Variants in ADAMTS12 observed in about 807,000 individuals in gnomAD.
ADAMTS12 encodes the protein ADAM metallopeptidase with thrombospondin type 1 motif 12.
In ADAMTS12, 118 loss-of-function variants were observed where a neutral mutation model predicts 167.8. The ratio of observed to expected loss-of-function variants is 0.70; its 90% confidence interval spans 0.61 to 0.82. ADAMTS12 has a LOEUF of 0.82. ADAMTS12 is among the 40% of genes least tolerant of loss of function. The pLI, the probability that ADAMTS12 is intolerant of heterozygous loss-of-function variation, is 0.00. For synonymous variants in ADAMTS12, 704 were observed against 716.9 expected (o/e 0.98, Z 0.29); for missense variants, 1,916 against 1,998.8 (o/e 0.96, Z 0.79).
intron 2 of ADAMTS12, among the ~76,000 whole-genome samples, chr5:33,857,537 A>G (rs566895424): frequency 6.6e-6 from 1 of 152,312 alleles, no homozygotes; most frequent in East Asian, 1.9e-4. Context: ...CAAGTTGTAC[A>G]TCTTAAATAT....
At chr5:33,649,797 C>T in intron 7 of ADAMTS12, 100 bp from the exon 8 acceptor site, 3 of 1,461,638 alleles carry the variant, frequency 2.1e-6, no homozygotes, top group Non-Finnish European at 2.8e-6. Context: ...CACAGACAGC[C>T]ACGTTTGTAC....
chr5:33,660,577 G>A (rs978516710), intron 6 of ADAMTS12, among the ~76,000 whole-genome samples: 1 of 152,158 alleles, frequency 6.6e-6, no homozygotes, highest in Non-Finnish European at 1.5e-5. Context: ...GACTTTCTGA[G>A]ACACAACTTA....
chr5:33,800,273 AG>A (rs1433285391), intron 2 of ADAMTS12, among the ~76,000 whole-genome samples: 3 of 152,226 alleles, frequency 2.0e-5, no homozygotes, highest in Non-Finnish European at 4.4e-5. Context: ...AAAAGGTTGG[AG>A]TAGTAAGGGA....
At chr5:33,705,442 G>T (rs1455654996) in intron 3 of ADAMTS12, among the ~76,000 whole-genome samples, 1 of 152,066 alleles carries the variant, frequency 6.6e-6, no homozygotes, top group East Asian at 1.9e-4. Context: ...TTCATCAGAT[G>T]AATAGTTTTC....
At chr5:33,682,913 A>T in intron 5 of ADAMTS12, 105 bp downstream of exon 5, 1 of 881,892 alleles carries the variant, frequency 1.1e-6, no homozygotes. Flanking sequence ...GGGCTTCCAA[A>T]CACTTTCTGG....
At chr5:33,581,423 T>C (rs990832059) in intron 18 of ADAMTS12, among the ~76,000 whole-genome samples, 8 of 152,100 alleles carry the variant, frequency 5.3e-5, no homozygotes, top group Non-Finnish European at 1.0e-4. Context: ...TGCTGCCCAA[T>C]TTATCAACTC....
In ADAMTS12 at chr5:33,891,948, A is replaced by G; in HGVS notation, c.-92T>C. ...CGCCTGTGGCCCAGCAGGAAGATGC[A>G]GGGGTGCATGGTCAGGCGCGAGAAG... On this transcript the variant is annotated 5_prime_UTR_variant, in exon 1 of 24. Transcript: ENST00000504830. 1 of 1,505,734 alleles carries G rather than the reference A, an allele frequency of 6.6e-7. No individual in the cohort carries two copies. Among genetic ancestry groups the G allele is most frequent in the Admixed American group, 2.1e-5 (1 of 46,904 alleles). The allele number at this position is 1,505,734 out of a possible 1,614,324, so 93.3% of individuals were successfully genotyped here. A position where few individuals can be genotyped will look rare whatever the true frequency, so the allele number is the denominator to read the frequency against.
chr5:33,692,485 G>A (rs1256070167), intron 3 of ADAMTS12, among the ~76,000 whole-genome samples: 1 of 152,100 alleles, frequency 6.6e-6, no homozygotes, highest in Non-Finnish European at 1.5e-5. Flanking sequence ...TGTCTGTTTT[G>A]CTCACTCCTT....
chr5:33,799,232 A>G (rs546145759), intron 2 of ADAMTS12, among the ~76,000 whole-genome samples: 2 of 152,218 alleles, frequency 1.3e-5, no homozygotes, highest in East Asian at 3.9e-4. Flanking sequence ...CAATGTTGCT[A>G]TATTGGTTGG....
chr5:33,751,153 G>T, intron 3 of ADAMTS12: 1 of 504,994 alleles, frequency 2.0e-6, no homozygotes, highest in Non-Finnish European at 3.4e-6. Flanking sequence ...TGGCAAAGAT[G>T]CTTTTATTTC....
chr5:33,659,152 T>C (rs1299031022), intron 6 of ADAMTS12, among the ~76,000 whole-genome samples: 1 of 152,206 alleles, frequency 6.6e-6, no homozygotes, highest in African/African-American at 2.4e-5. Context: ...GCAAATGGTC[T>C]GCTTTTTTCA....
intron 2 of ADAMTS12, among the ~76,000 whole-genome samples, chr5:33,814,693 A>G (rs2112492650): frequency 6.6e-6 from 1 of 152,336 alleles, no homozygotes; most frequent in South Asian, 2.1e-4. Flanking sequence ...AGGCTGGGAA[A>G]AAGAAAGAAC....
At chr5:33,661,149 A>G (rs1176012539) in intron 6 of ADAMTS12, among the ~76,000 whole-genome samples, 3 of 152,218 alleles carry the variant, frequency 2.0e-5, no homozygotes, top group Non-Finnish European at 2.9e-5. Flanking sequence ...AGGCATACGG[A>G]GCCCAAGAAG....
chr5:33,571,444 C>A (rs1406159288), intron 19 of ADAMTS12, among the ~76,000 whole-genome samples: 2 of 151,906 alleles, frequency 1.3e-5, no homozygotes, highest in Non-Finnish European at 1.5e-5. Context: ...TAAGAAACTC[C>A]CTCAAAACCA....
intron 5 of ADAMTS12, among the ~76,000 whole-genome samples, chr5:33,675,382 G>A (rs908915280): frequency 2.0e-5 from 3 of 152,188 alleles, no homozygotes; most frequent in Non-Finnish European, 4.4e-5. Context: ...AGGGAAAGAA[G>A]CTGAATAGTA....
chr5:33,773,861 G>C (rs1413346124), intron 2 of ADAMTS12, among the ~76,000 whole-genome samples: 2 of 152,158 alleles, frequency 1.3e-5, no homozygotes, highest in Admixed American at 6.5e-5. Flanking sequence ...ATATGGCCAA[G>C]AAGCCACTGA....
At chr5:33,581,945 G>A (rs99629) in intron 18 of ADAMTS12, among the ~76,000 whole-genome samples, 94,533 of 151,890 alleles carry the variant, frequency 0.62, 29,724 homozygotes, top group South Asian at 0.69. Flanking sequence ...AAAGATTGAC[G>A]TCAAACCACC....
intron 22 of ADAMTS12, among the ~76,000 whole-genome samples, chr5:33,542,692 A>G (rs1022974900): frequency 9.2e-5 from 14 of 152,248 alleles, no homozygotes; most frequent in African/African-American, 3.4e-4. Flanking sequence ...TCAAATTAGA[A>G]TTTAGGATTA....
chr5:33,706,858 G>C (rs1400811236), intron 3 of ADAMTS12, among the ~76,000 whole-genome samples: 2 of 152,132 alleles, frequency 1.3e-5, no homozygotes, highest in Non-Finnish European at 2.9e-5. Flanking sequence ...TACTGAATGG[G>C]CAAAAGCTGC....
Sources: gnomAD v4.1 joint callset for allele counts (sites outside exome capture counted in the v4.1 genomes callset) on GRCh38, gnomAD v4.1.1 for gene constraint, MANE v1.5 for transcripts, NCBI Gene and HGNC (gene_info 2026-07-23, HGNC 2026-07-21) for gene names.